The following MRPS6 variants were observed in gnomAD, a reference collection of about 807,000 sequenced individuals.
The protein encoded by MRPS6 is small ribosomal subunit protein bS6m.
Under a neutral mutation model 13.1 loss-of-function variants are expected in MRPS6, and 6 were observed. The ratio of observed to expected loss-of-function variants is 0.46; its 90% CI spans 0.25 to 0.91. MRPS6 has a LOEUF of 0.91. MRPS6 is among the 40% of genes least tolerant of loss of function. MRPS6 has a pLI of 0.18. For missense variants in MRPS6, 164 were observed against 155.6 expected, an observed-to-expected ratio of 1.05 and a Z score of -0.29; for synonymous variants, 61 against 56.5, an observed-to-expected ratio of 1.08 and a Z score of -0.36.
At chr21:34,108,091 G>A (rs1979552260) in intron 1 of MRPS6, among the ~76,000 whole-genome samples, 2 of 152,162 alleles carry the variant, frequency 1.3e-5, no homozygotes, top group African/African-American at 4.8e-5. Flanking sequence ...TAGTGATCTT[G>A]TAACGTACCG....
In MRPS6 at chr21:34,099,698, A is replaced by C. The variant is rs1231356684; in HGVS notation, c.46-25643A>C. 3 of 998,156 alleles carry C rather than the reference A, an allele frequency of 3.0e-6. No individual in the cohort carries two copies. The African/African-American group carries it at 5.2e-5, about 17-fold the overall frequency. 61.8% of individuals were successfully genotyped at this position (998,156 alleles called of 1,614,324 possible). On this transcript the variant is annotated intron_variant, in intron 1 of 2. Transcript: ENST00000399312. ...TTCTGCTCTTGTCTTAGTAAGATACATAAGGTACATCATCTTGTGTCTGTG... is the reference window on the plus strand; with the variant it reads ...TTCTGCTCTTGTCTTAGTAAGATACCTAAGGTACATCATCTTGTGTCTGTG...
At chr21:34,092,276 C>A (rs1050508104) in intron 1 of MRPS6, among the ~76,000 whole-genome samples, 3 of 152,054 alleles carry the variant, frequency 2.0e-5, no homozygotes. Flanking sequence ...TTCTACAAAC[C>A]AAATTGACCT....
intron 2 of MRPS6, among the ~76,000 whole-genome samples, chr21:34,138,810 C>G (rs1980797563): frequency 6.6e-6 from 1 of 152,060 alleles, no homozygotes; most frequent in Non-Finnish European, 1.5e-5. Context: ...CTGGAAATAC[C>G]ATTTGACCCA....
chr21:34,099,772 G>A, intron 1 of MRPS6: 1 of 893,662 alleles, frequency 1.1e-6, no homozygotes, highest in South Asian at 5.2e-5. Flanking sequence ...TGTAAATAAG[G>A]AATGACTATT....
intron 2 of MRPS6, among the ~76,000 whole-genome samples, chr21:34,137,486 AT>A (rs201949256): frequency 3.3e-5 from 5 of 151,954 alleles, no homozygotes; most frequent in Non-Finnish European, 5.9e-5. Flanking sequence ...CATTAGTTCT[AT>A]TTTTTTTATA....
chr21:34,142,547 G>T lies in MRPS6; in HGVS notation c.325G>T (p.Val109Phe), dbSNP rs767728208. The change falls in exon 3 of 3, where the codon GTC (valine) becomes TTC (phenylalanine). Residue 109 changes from valine (V) to phenylalanine (F), a missense_variant. Coordinates refer to ENST00000399312, the MANE Select transcript of MRPS6 (RefSeq NM_032476.4). Reference protein sequence around the residue: ...TQELKECEGIVPVPLAEKLYS... With the variant: ...TQELKECEGIFPVPLAEKLYS... ...GGAACTAAAAGAATGTGAAGGGATT[G>T]TCCCAGTCCCACTCGCAGAAAAATT... is the stretch of plus-strand genomic sequence containing the variant. 6.2e-7 allele frequency: 1 copy of T among 1,611,064 alleles called. No homozygotes were observed. The highest frequency in any genetic ancestry group is 2.2e-5 in the East Asian group (1 of 44,842).
intron 1 of MRPS6, among the ~76,000 whole-genome samples, chr21:34,117,320 C>G (rs1979959248): frequency 6.6e-6 from 1 of 152,172 alleles, no homozygotes; most frequent in East Asian, 1.9e-4. Context: ...ACTCTGAGAG[C>G]ACCCAAAGTG....
intron 2 of MRPS6, among the ~76,000 whole-genome samples, chr21:34,130,061 A>G (rs372751397): frequency 1.4e-4 from 22 of 152,304 alleles, no homozygotes; most frequent in African/African-American, 2.9e-4. Flanking sequence ...TCTGTTTCCT[A>G]TCTTCAAAAA....
At chr21:34,097,738 C>T (rs1979037020) in intron 1 of MRPS6, 1 of 1,006,058 alleles carries the variant, frequency 9.9e-7, no homozygotes, top group Non-Finnish European at 1.2e-6. Context: ...TTGCTCATTT[C>T]TAAATTTTTT....
intron 2 of MRPS6, among the ~76,000 whole-genome samples, chr21:34,136,793 T>G (rs1980719535): frequency 6.6e-6 from 1 of 152,196 alleles, no homozygotes; most frequent in Non-Finnish European, 1.5e-5. Flanking sequence ...TTTTTTCTAT[T>G]ATGGATTTTG....
chr21:34,088,050 C>T (rs866486910), intron 1 of MRPS6, among the ~76,000 whole-genome samples: 25 of 152,184 alleles, frequency 1.6e-4, no homozygotes, highest in African/African-American at 5.3e-4. Context: ...ATTCATACCC[C>T]GGAACAACAG....
At chr21:34,085,007 CAT>C (rs1228824133) in intron 1 of MRPS6, among the ~76,000 whole-genome samples, 4 of 152,184 alleles carry the variant, frequency 2.6e-5, no homozygotes, top group Admixed American at 1.3e-4. Context: ...CTAACCACAA[CAT>C]AGTCATCACA....
chr21:34,090,164 C>A (rs961679373), intron 1 of MRPS6, among the ~76,000 whole-genome samples: 1 of 152,206 alleles, frequency 6.6e-6, no homozygotes, highest in Non-Finnish European at 1.5e-5. Flanking sequence ...GCTCCACTTA[C>A]AATTTAAAAC....
At chr21:34,075,143 G>A (rs1019221174) in intron 1 of MRPS6, among the ~76,000 whole-genome samples, 4 of 152,252 alleles carry the variant, frequency 2.6e-5, no homozygotes, top group African/African-American at 4.8e-5. Flanking sequence ...GGTGGAAGTT[G>A]TTTAAGCCCT....
intron 2 of MRPS6, among the ~76,000 whole-genome samples, chr21:34,131,868 AG>A (rs1446912545): frequency 6.6e-6 from 1 of 152,218 alleles, no homozygotes; most frequent in African/African-American, 2.4e-5. Context: ...CAGCTCGTAC[AG>A]CCTCTCTGCC....
In MRPS6 at chr21:34,096,512, C is replaced by T. The variant is rs1164167732; in HGVS notation, c.45+22767C>T. On this transcript the variant is annotated intron_variant, in intron 1 of 2. Transcript: ENST00000399312. The surrounding 1 kb of genome is among the most constrained non-coding windows in gnomAD (Gnocchi z 5.9). ...TGGAGATGCAAGGAGGCCAGATGTA[C>T]CTTTACATTCAGGAGGTAGCAGATT... The T allele has an allele frequency of 1.9e-6, 3 of 1,614,116 alleles. No individual in the cohort carries two copies. Among genetic ancestry groups the T allele is most frequent in the South Asian group, 2.2e-5 (2 of 91,084 alleles).
intron 2 of MRPS6, among the ~76,000 whole-genome samples, chr21:34,130,881 AGTG>A (rs200732341): frequency 0.017 from 2,603 of 152,302 alleles, 65 homozygotes; most frequent in African/African-American, 0.06. Flanking sequence ...ACTTCATAGA[AGTG>A]GTGATTCTAT....
intron 1 of MRPS6, among the ~76,000 whole-genome samples, chr21:34,087,392 T>G (rs373822929): frequency 2.0e-5 from 3 of 152,326 alleles, no homozygotes; most frequent in African/African-American, 7.2e-5. Flanking sequence ...ATTTTTTTAT[T>G]TAACAAACAT....
intron 2 of MRPS6, chr21:34,135,654 T>C: frequency 2.6e-6 from 1 of 381,934 alleles, no homozygotes. Context: ...TCACAGTCCC[T>C]GCTCACCCAA....
Sources: allele counts gnomAD v4.1 joint callset (sites outside exome capture counted in the v4.1 genomes callset), GRCh38; gene constraint gnomAD v4.1.1; non-coding constraint Gnocchi (gnomAD v3.1); transcripts MANE v1.5; gene names NCBI Gene and HGNC (gene_info 2026-07-23, HGNC 2026-07-21).